TRAF5: variants seen among roughly 807,000 people sequenced by gnomAD.
The protein encoded by TRAF5 is TNF receptor-associated factor 5.
Under a neutral mutation model 64.5 loss-of-function variants are expected in TRAF5, and 48 were observed. That is an observed-to-expected ratio of 0.74 (90% CI 0.59 to 0.95). TRAF5 has a LOEUF of 0.95. TRAF5 is among the 40% of genes least tolerant of loss of function. The pLI, the probability that TRAF5 is intolerant of heterozygous loss-of-function variation, is 0.00. For synonymous variants in TRAF5, 206 were observed against 240.5 expected (o/e 0.86, Z 1.33); for missense variants, 545 against 662.8 (o/e 0.82, Z 1.95).
At chr1:211,369,374 G>A in intron 8 of TRAF5, 78 bp from the exon 9 acceptor site, 1 of 1,218,458 alleles carries the variant, frequency 8.2e-7, no homozygotes, top group Non-Finnish European at 1.1e-6. Flanking sequence ...TTTCTTAGCT[G>A]CAAGTGCATG....
chr1:211,342,737 A>G (rs1702482646), intron 1 of TRAF5, among the ~76,000 whole-genome samples: 4 of 152,202 alleles, frequency 2.6e-5, no homozygotes, highest in Admixed American at 2.0e-4. Flanking sequence ...AGCTCCCACA[A>G]ACAAGAACAT....
intron 1 of TRAF5, among the ~76,000 whole-genome samples, chr1:211,330,322 A>G (rs925669045): frequency 1.4e-5 from 2 of 145,158 alleles, no homozygotes; most frequent in Admixed American, 1.4e-4. Context: ...GGCTCCATCA[A>G]CTTCCCTCCT....
intron 1 of TRAF5, among the ~76,000 whole-genome samples, chr1:211,341,155 G>A (rs1702438579): frequency 6.6e-6 from 1 of 152,160 alleles, no homozygotes; most frequent in South Asian, 2.1e-4. Flanking sequence ...TTTCCAATGA[G>A]GAGAAGCCTT....
intron 1 of TRAF5, among the ~76,000 whole-genome samples, chr1:211,334,691 G>A (rs1435639127): frequency 1.3e-5 from 2 of 152,014 alleles, no homozygotes; most frequent in Non-Finnish European, 2.9e-5. Flanking sequence ...AAAACACATT[G>A]TTTACCTAGA....
chr1:211,359,787 G>C, intron 4 of TRAF5, 125 bp from the exon 5 acceptor site: 1 of 1,104,734 alleles, frequency 9.1e-7, no homozygotes, highest in East Asian at 2.4e-5. Context: ...CCTCTGCCTT[G>C]CCCTGTGCAA....
At chr1:211,358,887 G>A (rs1047663463) in intron 4 of TRAF5, 2 of 148,022 alleles carry the variant, frequency 1.4e-5, no homozygotes, top group Non-Finnish European at 3.0e-5. Flanking sequence ...GTAAATAAAT[G>A]TTTATTTTTA....
chr1:211,371,993 A>G (rs557474959), intron 10 of TRAF5, 135 bp from the exon 11 acceptor site: 2 of 766,664 alleles, frequency 2.6e-6, no homozygotes, highest in East Asian at 5.3e-5. Flanking sequence ...TACTACAACA[A>G]ATGAATTCAG....
chr1:211,368,158 G>C (rs568990490), intron 8 of TRAF5, among the ~76,000 whole-genome samples: 1 of 152,106 alleles, frequency 6.6e-6, no homozygotes, highest in Non-Finnish European at 1.5e-5. Flanking sequence ...GTGTGGTCTT[G>C]CTGGGCAGGA....
intron 10 of TRAF5, among the ~76,000 whole-genome samples, chr1:211,371,914 G>C (rs1009313945): frequency 1.3e-5 from 2 of 152,210 alleles, no homozygotes; most frequent in Non-Finnish European, 2.9e-5. Flanking sequence ...ACTTCAGTGA[G>C]TTTAAGAGTA....
At chr1:211,357,621 T>C (rs1558142631) in intron 4 of TRAF5, 1 of 151,678 alleles carries the variant, frequency 6.6e-6, no homozygotes, top group Non-Finnish European at 1.5e-5. Context: ...AGGTGTAGAA[T>C]CTTACAGGTA....
chr1:211,370,207 C>G (rs191617035), intron 9 of TRAF5, among the ~76,000 whole-genome samples: 3 of 152,120 alleles, frequency 2.0e-5, no homozygotes, highest in East Asian at 1.9e-4. Flanking sequence ...AAATTATGAA[C>G]ATTAAATAAC....
In TRAF5 at chr1:211,356,479, C is replaced by T; in HGVS notation, c.378+11C>T. ...CTGGGCCGGTACCAGGTTGGTATTA[C>T]TCATGAACGATATCTGCTTTTGCCA... On this transcript the variant is annotated intron_variant, in intron 4 of 10. Transcript: ENST00000261464. 1 of 1,611,720 alleles carries T rather than the reference C, an allele frequency of 6.2e-7. No homozygotes were observed. The highest frequency in any genetic ancestry group is 1.1e-5 in the South Asian group (1 of 90,954).
intron 1 of TRAF5, among the ~76,000 whole-genome samples, chr1:211,330,196 C>T (rs1702120643): frequency 6.6e-6 from 1 of 152,038 alleles, no homozygotes; most frequent in African/African-American, 2.4e-5. Context: ...GTGCAGTATC[C>T]GTGTGATGTG....
intron 1 of TRAF5, among the ~76,000 whole-genome samples, chr1:211,347,870 G>C (rs963480978): frequency 3.9e-5 from 6 of 152,230 alleles, no homozygotes; most frequent in African/African-American, 1.4e-4. Context: ...CTCTTTCCCA[G>C]TTCCAGTTCA....
chr1:211,372,180 A>G lies in TRAF5; in HGVS notation c.1152A>G (p.Lys384=). 1 of 1,613,910 alleles carries G rather than the reference A, an allele frequency of 6.2e-7. No homozygotes were observed. Among genetic ancestry groups the G allele is most frequent in the Non-Finnish European group, 8.5e-7 (1 of 1,179,948 alleles). The change falls in exon 11 of 11, where the codon AAA becomes AAG. Residue 384 remains lysine (K), a synonymous_variant. Coordinates refer to ENST00000261464, the MANE Select transcript of TRAF5 (RefSeq NM_001033910.3). Reference sequence around the variant, plus strand: ...ATGATACCCACATTAATATTCATAAAGCACAGCTGAGTAAAAATGAAGAGC... The same window carrying G: ...ATGATACCCACATTAATATTCATAAGGCACAGCTGAGTAAAAATGAAGAGC... ...NKHDTHINIH[K]AQLSKNEERF... is the part of the protein sequence containing the mutation.
At chr1:211,358,167 T>C (rs1164787181) in intron 4 of TRAF5, 3 of 152,194 alleles carry the variant, frequency 2.0e-5, no homozygotes, top group African/African-American at 7.2e-5. Context: ...CACTGAGATA[T>C]GCCTGCTTTT....
intron 3 of TRAF5, among the ~76,000 whole-genome samples, chr1:211,356,094 T>C (rs952729514): frequency 2.0e-5 from 3 of 152,170 alleles, no homozygotes; most frequent in African/African-American, 7.2e-5. Flanking sequence ...CCTTTAAGAA[T>C]GTGGGGTCAG....
intron 1 of TRAF5, among the ~76,000 whole-genome samples, 152 bp from the exon 2 acceptor site, chr1:211,353,087 A>G (rs1702844489): frequency 6.6e-6 from 1 of 152,218 alleles, no homozygotes; most frequent in Admixed American, 6.5e-5. Flanking sequence ...CCCTAGTGGC[A>G]GGAGGTTGTC....
At chr1:211,340,557 T>C (rs1702420395) in intron 1 of TRAF5, among the ~76,000 whole-genome samples, 1 of 152,170 alleles carries the variant, frequency 6.6e-6, no homozygotes, top group African/African-American at 2.4e-5. Context: ...GCAGGAATTA[T>C]AGGTGTGAGC....
Sources: gnomAD v4.1 joint callset for allele counts (sites outside exome capture counted in the v4.1 genomes callset) on GRCh38, gnomAD v4.1.1 for gene constraint, MANE v1.5 for transcripts, NCBI Gene and HGNC (gene_info 2026-07-23, HGNC 2026-07-21) for gene names.